SLC38A4: variants seen among roughly 807,000 people sequenced by gnomAD.
The protein encoded by SLC38A4 is sodium-coupled neutral amino acid transporter 4.
SLC38A4 carries 20 observed loss-of-function variants against 63.1 expected under a neutral mutation model. The ratio of observed to expected loss-of-function variants is 0.32; its 90% CI spans 0.22 to 0.46. The LOEUF is 0.46. SLC38A4 is among the 20% of genes least tolerant of loss of function. The pLI, the probability that SLC38A4 is intolerant of heterozygous loss-of-function variation, is 1.00. For missense variants in SLC38A4, 526 were observed against 663.6 expected (o/e 0.79, Z 2.28); for synonymous variants, 230 against 225.5 (o/e 1.02, Z -0.18).
intron 1 of SLC38A4, among the ~76,000 whole-genome samples, chr12:46,815,286 C>CAT (rs1939421275): frequency 9.2e-6 from 1 of 108,908 alleles, no homozygotes; most frequent in African/African-American, 3.9e-5. Flanking sequence ...TATATATATA[C>CAT]ACACACACAC....
chr12:46,799,380 T>C (rs996558256), intron 2 of SLC38A4, among the ~76,000 whole-genome samples: 2 of 152,098 alleles, frequency 1.3e-5, no homozygotes, highest in Non-Finnish European at 2.9e-5. Flanking sequence ...GGAGGGTCTA[T>C]CTCCTGAGGT....
chr12:46,794,181 T>A (rs1240322893), intron 2 of SLC38A4, among the ~76,000 whole-genome samples: 1 of 152,144 alleles, frequency 6.6e-6, no homozygotes, highest in East Asian at 1.9e-4. Flanking sequence ...AAATGTGCTA[T>A]TCCTCTGACA....
intron 7 of SLC38A4, among the ~76,000 whole-genome samples, chr12:46,783,598 G>A (rs1330294749): frequency 6.6e-6 from 1 of 152,066 alleles, no homozygotes; most frequent in African/African-American, 2.4e-5. Flanking sequence ...CAAGAGATAA[G>A]TAAGAGATCA....
In SLC38A4 at chr12:46,769,547, G is replaced by A. The variant is rs1401980562; in HGVS notation, c.1300-119C>T. ...CCTTTTCTTTTTTCCCAGAAAAGAT[G>A]TTGATGCTTTTTTCAATTTTTTTAT... On this transcript the variant is annotated intron_variant, in intron 14 of 16. Coordinates refer to ENST00000266579, the MANE Select transcript of SLC38A4 (RefSeq NM_018018.5). The A allele has an allele frequency of 7.1e-6, 8 of 1,128,560 alleles. No homozygotes were observed. In the African/African-American group the frequency reaches 1.3e-4, roughly 18 times the overall value. The allele number at this position is 1,128,560 out of a possible 1,614,324, so 69.9% of individuals were successfully genotyped here.
chr12:46,829,099 C>T (rs1012555271), upstream of SLC38A4, among the ~76,000 whole-genome samples: 3 of 152,172 alleles, frequency 2.0e-5, no homozygotes, highest in Non-Finnish European at 4.4e-5. Flanking sequence ...ACTCTTGGCT[C>T]TTTCCTTAAC....
chr12:46,788,078 A>C, intron 4 of SLC38A4, 47 bp from the exon 5 acceptor site: 1 of 1,412,100 alleles, frequency 7.1e-7, no homozygotes, highest in South Asian at 1.2e-5. Context: ...GCCAAAGGGC[A>C]TACCTTTAGG....
chr12:46,817,522 C>T lies in SLC38A4; in HGVS notation c.-305+8381G>A, dbSNP rs145127783. 7.9e-3 allele frequency among the ~76,000 whole-genome samples: 1,202 copies of T among 151,870 alleles called. 11 individuals carry two copies. The highest frequency in any genetic ancestry group is 0.031 in the Middle Eastern group (9 of 294). The stretch of plus-strand genomic sequence containing the variant: ...AGGTTTTTAACCTGGTGCACGAAAA[C>T]GATATCACAAGGTACAAATTGCCAA... On this transcript the variant is annotated intron_variant, in intron 1 of 16. Coordinates refer to ENST00000266579, the MANE Select transcript of SLC38A4 (RefSeq NM_018018.5).
chr12:46,775,226 G>C, intron 13 of SLC38A4, 53 bp from the exon 14 acceptor site: 1 of 1,577,068 alleles, frequency 6.3e-7, no homozygotes. Context: ...ATCAGCACAG[G>C]TCACTTATGG....
chr12:46,783,298 G>T (rs1209563946), intron 7 of SLC38A4, among the ~76,000 whole-genome samples: 2 of 79,616 alleles, frequency 2.5e-5, no homozygotes, highest in Admixed American at 2.8e-4. Context: ...TATGGGCATT[G>T]CTAGGAAAGG....
intron 7 of SLC38A4, among the ~76,000 whole-genome samples, chr12:46,780,269 A>G (rs969996703): frequency 6.6e-6 from 1 of 151,984 alleles, no homozygotes; most frequent in African/African-American, 2.4e-5. Flanking sequence ...TCCTGCTCCA[A>G]AGTTTACAGT....
chr12:46,793,545 G>A (rs181537944), intron 2 of SLC38A4, among the ~76,000 whole-genome samples: 1 of 152,208 alleles, frequency 6.6e-6, no homozygotes, highest in Admixed American at 6.6e-5. Flanking sequence ...AAGAAAGGAA[G>A]ACAAAAGTAA....
intron 2 of SLC38A4, among the ~76,000 whole-genome samples, chr12:46,795,170 T>A (rs1938976904): frequency 6.6e-6 from 1 of 152,082 alleles, no homozygotes; most frequent in Non-Finnish European, 1.5e-5. Context: ...TTACTGATTT[T>A]AGACTGGTTA....
At chr12:46,810,387 G>A (rs982272340) in intron 1 of SLC38A4, among the ~76,000 whole-genome samples, 65 of 151,904 alleles carry the variant, frequency 4.3e-4, no homozygotes, top group East Asian at 2.0e-4. Flanking sequence ...CGGGGCTGTC[G>A]GTGGGTAGGG....
chr12:46,780,163 C>T (rs942295440), intron 7 of SLC38A4, 133 bp from the exon 8 acceptor site: 4 of 677,820 alleles, frequency 5.9e-6, no homozygotes, highest in Non-Finnish European at 1.0e-5. Flanking sequence ...GTGTATTTGG[C>T]ACTGCTTCCA....
At chr12:46,824,746 G>A (rs947701589) in intron 1 of SLC38A4, among the ~76,000 whole-genome samples, 11 of 152,226 alleles carry the variant, frequency 7.2e-5, no homozygotes, top group African/African-American at 2.4e-4. Context: ...GGTTGCCGGG[G>A]TAGCGAGGAG....
chr12:46,791,215 TG>T (rs1190026127), intron 3 of SLC38A4, among the ~76,000 whole-genome samples: 1 of 152,174 alleles, frequency 6.6e-6, no homozygotes, highest in Non-Finnish European at 1.5e-5. Context: ...AAAAAAGTAT[TG>T]AATGTCATCT....
chr12:46,782,904 A>G (rs1043045002), intron 7 of SLC38A4, among the ~76,000 whole-genome samples: 3 of 146,922 alleles, frequency 2.0e-5, no homozygotes, highest in African/African-American at 7.6e-5. Flanking sequence ...GTGTTTTAAA[A>G]TATCCTTTAG....
intron 1 of SLC38A4, among the ~76,000 whole-genome samples, chr12:46,831,929 G>T (rs1278181924): frequency 6.6e-6 from 1 of 152,086 alleles, no homozygotes. Context: ...GGGAATCCCA[G>T]TGCGGGAGGC....
chr12:46,794,335 C>A (rs1298684821), intron 2 of SLC38A4, among the ~76,000 whole-genome samples: 1 of 151,892 alleles, frequency 6.6e-6, no homozygotes, highest in African/African-American at 2.4e-5. Flanking sequence ...AGCAAGAGTG[C>A]CAGTAGGCAC....
Sources: gnomAD v4.1 joint callset for allele counts (sites outside exome capture counted in the v4.1 genomes callset) on GRCh38, gnomAD v4.1.1 for gene constraint, MANE v1.5 for transcripts, NCBI Gene and HGNC (gene_info 2026-07-23, HGNC 2026-07-21) for gene names.